MID1: variants seen among roughly 807,000 people sequenced by gnomAD.
MID1 encodes the protein midline 1.
A neutral mutation model predicts 40.4 loss-of-function variants in MID1; 7 were observed. The ratio of observed to expected loss-of-function variants is 0.17; its 90% CI spans 0.10 to 0.33. The LOEUF (loss-of-function observed/expected upper bound fraction) is 0.33, where lower values mean the gene tolerates loss of function less well. Ranked by LOEUF, MID1 falls within the 10% of genes least tolerant of loss-of-function variation. MID1 has a pLI of 1.00. For missense variants in MID1, 367 were observed against 558.5 expected (o/e 0.66, Z 3.46); for synonymous variants, 229 against 221.2 (o/e 1.04, Z -0.31).
chrX:10,804,070 C>T (rs2044027767), intron 1 of MID1, among the ~76,000 whole-genome samples: 1 of 111,825 alleles, frequency 8.9e-6, no homozygotes, highest in East Asian at 2.8e-4. Flanking sequence ...CCATCAAAGA[C>T]ATTCTTCATT....
At chrX:10,657,159 A>G (rs907070700) in intron 1 of MID1, among the ~76,000 whole-genome samples, 1 of 111,420 alleles carries the variant, frequency 9.0e-6, no homozygotes, top group African/African-American at 3.3e-5. Flanking sequence ...CAGATAGGAT[A>G]TCTCTGAGGA....
intron 1 of MID1, among the ~76,000 whole-genome samples, chrX:10,603,385 A>G (rs974078321): frequency 8.9e-6 from 1 of 112,177 alleles, no homozygotes; most frequent in African/African-American, 3.2e-5. Flanking sequence ...TTCCAGAGGT[A>G]AACTAGGCAA....
intron 7 of MID1, among the ~76,000 whole-genome samples, chrX:10,463,860 A>G (rs1885925912): frequency 8.9e-6 from 1 of 112,739 alleles, no homozygotes; most frequent in African/African-American, 3.2e-5. Flanking sequence ...GTCACTACAA[A>G]TGTGAAAAAT....
intron 1 of MID1, among the ~76,000 whole-genome samples, chrX:10,813,439 G>GTAAA (rs2044116200): frequency 9.0e-6 from 1 of 111,664 alleles, no homozygotes; most frequent in African/African-American, 3.3e-5. Context: ...CTAAAGAAGA[G>GTAAA]TAAACAAAGT....
At chrX:10,451,142 C>T (rs1433262163) in intron 9 of MID1, among the ~76,000 whole-genome samples, 2 of 111,318 alleles carry the variant, frequency 1.8e-5, no homozygotes, top group East Asian at 5.6e-4. Context: ...GCCCAGTGTG[C>T]AGGCCTGTCT....
At position 10,774,271 on chromosome X, in the gene MID1, A is replaced by G. The variant is rs746090543; in HGVS notation, c.-187+59283T>C. 3.6e-5 allele frequency among the ~76,000 whole-genome samples: 4 copies of G among 111,120 alleles called. No homozygotes were observed. In the East Asian group the frequency reaches 1.1e-3, roughly 32 times the overall value. On this transcript the variant is annotated intron_variant, in intron 1 of 10. Transcript: ENST00000380785. ...CCTATGGGAGATGAAGGATCAGATAAAGAAAACAGAGAGACCTCACAAAGT... is the reference window on the plus strand; with the variant it reads ...CCTATGGGAGATGAAGGATCAGATAGAGAAAACAGAGAGACCTCACAAAGT...
At chrX:10,584,228 G>T (rs1935085542) in intron 1 of MID1, among the ~76,000 whole-genome samples, 1 of 111,877 alleles carries the variant, frequency 8.9e-6, no homozygotes, top group African/African-American at 3.3e-5. Context: ...TTACCATTAA[G>T]CCCCACATCC....
Position 10,567,238 on chromosome X carries a change from G to A in MID1, c.310C>T (p.Arg104Trp), listed in dbSNP as rs767372071. Residue 104 changes from arginine to tryptophan, a missense_variant, in exon 2 of 10, where the codon CGG becomes TGG. This residue lies in a region of MID1 where 78 missense variants were observed against 112.6 expected (regional missense o/e 0.69). Transcript: ENST00000317552. ...GTCATGGTGTTGGCGTCAAAGGCCC[G>A]CTCCCGACGGGTCTCGCTGGGAGAG... ...PNSPSETRRE[R>W]AFDANTMTSA... 5.8e-6 allele frequency: 7 copies of A among 1,207,468 alleles called. No individual in the cohort carries two copies. The African/African-American group carries it at 8.8e-5, about 15-fold the overall frequency.
chrX:10,556,230 C>T (rs1344515565), intron 2 of MID1, among the ~76,000 whole-genome samples: 1 of 111,713 alleles, frequency 9.0e-6, no homozygotes, highest in Non-Finnish European at 1.9e-5. Flanking sequence ...CCAATGCCAG[C>T]TTTTCTTTTC....
chrX:10,720,941 C>A (rs1393159641), intron 1 of MID1, among the ~76,000 whole-genome samples: 3 of 107,115 alleles, frequency 2.8e-5, no homozygotes, highest in Non-Finnish European at 5.8e-5. Flanking sequence ...AGCAAACTAT[C>A]GCAAGGACAA....
intron 5 of MID1, among the ~76,000 whole-genome samples, chrX:10,478,931 T>C (rs773491009): frequency 1.8e-5 from 2 of 111,522 alleles, no homozygotes; most frequent in South Asian, 7.6e-4. Context: ...GCAGGCACAA[T>C]AGGAGACAGA....
At chrX:10,700,608 C>T (rs1406608987) in intron 1 of MID1, among the ~76,000 whole-genome samples, 2 of 112,145 alleles carry the variant, frequency 1.8e-5, no homozygotes, top group Non-Finnish European at 3.8e-5. Flanking sequence ...AAGTTCTTTA[C>T]ATTTAGGAGA....
chrX:10,735,158 A>C (rs2043478859), intron 1 of MID1, among the ~76,000 whole-genome samples: 1 of 112,158 alleles, frequency 8.9e-6, no homozygotes, highest in Non-Finnish European at 1.9e-5. Context: ...GCTGGAGTGC[A>C]ATGGCGCAAT....
intron 1 of MID1, among the ~76,000 whole-genome samples, chrX:10,770,188 A>G (rs1000426409): frequency 8.0e-5 from 9 of 112,132 alleles, no homozygotes; most frequent in East Asian, 2.8e-4. Context: ...CCACTGCTAC[A>G]TGAATTAATG....
intron 1 of MID1, among the ~76,000 whole-genome samples, chrX:10,774,149 T>C (rs1203866196): frequency 9.0e-6 from 1 of 111,039 alleles, no homozygotes; most frequent in Non-Finnish European, 1.9e-5. Context: ...CAAATTACCC[T>C]CAGCAAAATT....
At chrX:10,625,749 C>T (rs1935989306) in intron 1 of MID1, among the ~76,000 whole-genome samples, 1 of 112,007 alleles carries the variant, frequency 8.9e-6, no homozygotes, top group Non-Finnish European at 1.9e-5. Context: ...CATACCAAGG[C>T]TCAACATTTT....
chrX:10,449,020 A>C lies in MID1; in HGVS notation c.*348T>G, dbSNP rs1431220791. 5.4e-6 allele frequency: 1 copy of C among 186,108 alleles called. No homozygotes were observed. Among genetic ancestry groups the C allele is most frequent in the Non-Finnish European group, 9.9e-6 (1 of 101,010 alleles). 15.3% of individuals were successfully genotyped at this position (186,108 alleles called of 1,213,427 possible). Reference sequence around the variant, plus strand: ...AAAGTTTTTGTTTTTTTGTAAGCCCACAGATTGTGATGAAATGAAGGTTGT... The same window carrying C: ...AAAGTTTTTGTTTTTTTGTAAGCCCCCAGATTGTGATGAAATGAAGGTTGT... On this transcript the variant is annotated 3_prime_UTR_variant, in exon 10 of 10. Transcript: ENST00000317552.
intron 1 of MID1, among the ~76,000 whole-genome samples, chrX:10,723,579 T>A (rs1286551557): frequency 8.8e-6 from 1 of 113,037 alleles, no homozygotes. Context: ...TGAGACGGAG[T>A]CTCGCTCTGC....
In MID1 at chrX:10,732,864, T is replaced by TTC. The variant is rs1491501875; in HGVS notation, c.-187+100689_-187+100690insGA. ...GTTGATTTTCTTCTTCTTCTTCTTC[T>TTC]TTTTTTTTTTTTTTTTTTGAGAGGG... On this transcript the variant is annotated intron_variant, in intron 1 of 10. Transcript: ENST00000380785. Among the ~76,000 whole-genome samples, 33 of 822 alleles carry TTC rather than the reference T, an allele frequency of 0.04. 1 individual carries two copies. In the South Asian group the frequency reaches 0.45, roughly 11 times the overall value. The allele number at this position is 822 out of a possible 115,157, so 0.7% of individuals were successfully genotyped here.
Sources: allele counts gnomAD v4.1 joint callset (sites outside exome capture counted in the v4.1 genomes callset), GRCh38; gene constraint gnomAD v4.1.1; regional missense constraint gnomAD v4.1.1; transcripts MANE v1.5; gene names NCBI Gene and HGNC (gene_info 2026-07-23, HGNC 2026-07-21).